Variants in ANK3 observed in about 807,000 individuals in gnomAD.
ANK3 encodes ankyrin-3.
In ANK3, 57 loss-of-function variants were observed where a neutral mutation model predicts 370.9. The observed-to-expected ratio is 0.15, with a 90% CI of 0.12 to 0.19. The LOEUF is 0.19. Among genes scored for constraint, ANK3 ranks in the 10% least tolerant of loss-of-function variants. The probability of loss-of-function intolerance (pLI) is 1.00; values close to 1 mark genes in which losing one functional copy is unlikely to be tolerated. For missense variants in ANK3, 4,439 were observed against 5,302.1 expected, an observed-to-expected ratio of 0.84 and a Z score of 5.06; for synonymous variants, 1,929 against 1,946.3, an observed-to-expected ratio of 0.99 and a Z score of 0.23.
intron 2 of ANK3, among the ~76,000 whole-genome samples, chr10:60,411,562 A>G (rs756621448): frequency 2.0e-5 from 3 of 152,152 alleles, no homozygotes; most frequent in Non-Finnish European, 4.4e-5. Flanking sequence ...ACTGGCAGAG[A>G]GCCTAACTCC....
At chr10:60,406,032 A>G (rs2063448998) in intron 2 of ANK3, among the ~76,000 whole-genome samples, 2 of 152,216 alleles carry the variant, frequency 1.3e-5, no homozygotes, top group Non-Finnish European at 1.5e-5. Flanking sequence ...CAGCAACATT[A>G]TCTCTGTTTT....
chr10:60,030,332 C>CG (rs1340519403), intron 43 of ANK3, among the ~76,000 whole-genome samples: 1 of 151,806 alleles, frequency 6.6e-6, no homozygotes, highest in Non-Finnish European at 1.5e-5. Context: ...TTAGTAGAGA[C>CG]GGGGTTTCAC....
chr10:60,278,086 C>T (rs1366255911), intron 4 of ANK3, among the ~76,000 whole-genome samples: 5 of 152,154 alleles, frequency 3.3e-5, no homozygotes, highest in African/African-American at 1.2e-4. Flanking sequence ...TGGTGTTCCT[C>T]TTAGAAATTC....
At chr10:60,689,629 G>T (rs1015313415) in intron 1 of ANK3, among the ~76,000 whole-genome samples, 2 of 151,810 alleles carry the variant, frequency 1.3e-5, no homozygotes, top group African/African-American at 2.4e-5. Context: ...TCGAGTGCCT[G>T]TAATCCCAGC....
chr10:60,484,399 G>T (rs1334574083), intron 2 of ANK3, among the ~76,000 whole-genome samples: 2 of 152,086 alleles, frequency 1.3e-5, no homozygotes, highest in African/African-American at 4.8e-5. Context: ...GATATCAAAG[G>T]ATTATTTTTT....
chr10:60,119,760 A>G (rs895390914), intron 25 of ANK3, among the ~76,000 whole-genome samples: 5 of 152,194 alleles, frequency 3.3e-5, no homozygotes, highest in African/African-American at 1.2e-4. Flanking sequence ...CGAAAGAGCA[A>G]GACTTCATCT....
At chr10:60,086,965 G>GAAA in intron 29 of ANK3, 81 bp from the exon 30 acceptor site, 1 of 505,594 alleles carries the variant, frequency 2.0e-6, no homozygotes, top group Non-Finnish European at 2.5e-6. Flanking sequence ...TTTTAAGTGA[G>GAAA]AAGGAAAAAA....
chr10:60,100,143 GTTTCC>G (rs1022118166), intron 28 of ANK3, among the ~76,000 whole-genome samples: 1 of 148,048 alleles, frequency 6.8e-6, no homozygotes, highest in Non-Finnish European at 1.5e-5. Context: ...TTCTGCTACA[GTTTCC>G]TTTCCTTTCC....
Position 60,200,238 on chromosome 10 carries a change from T to C in ANK3, c.1393-11A>G. The C allele has an allele frequency of 6.2e-7, 1 of 1,607,662 alleles. No individual in the cohort carries two copies. The highest frequency in any genetic ancestry group is 8.5e-7 in the Non-Finnish European group (1 of 1,174,108). On this transcript the variant is annotated splice_polypyrimidine_tract_variant and intron_variant, in intron 12 of 43. Transcript: ENST00000280772. ...TGCTGTTTCTCCTCTCTGGGGAACA[T>C]GAGCCAAAGTAAATTAGCTGCAGCT...
chr10:60,621,838 G>A (rs1255662249), intron 1 of ANK3, among the ~76,000 whole-genome samples: 5 of 152,090 alleles, frequency 3.3e-5, no homozygotes, highest in Admixed American at 6.6e-5. Context: ...TGATAATATA[G>A]TGGCAACTCA....
rs1295319451 is a variant in ANK3, at chr10:60,518,285, A to T, written c.96+96901T>A. On this transcript the variant is annotated intron_variant, in intron 2 of 43. Coordinates refer to the ANK3 transcript ENST00000373827. ...CAGCAAATGTCAAAAGAGAAAAAAT[A>T]GCAAGCTCCTACTTCCCGGCAGATG... Among the ~76,000 whole-genome samples the T allele has an allele frequency of 3.9e-5, 6 of 152,136 alleles. No individual in the cohort carries two copies. The East Asian group carries it at 1.2e-3, about 29-fold the overall frequency.
Position 60,173,110 on chromosome 10 carries a change from G to A in ANK3, c.2261C>T (p.Ala754Val), listed in dbSNP as rs190581397. 1.7e-5 allele frequency: 28 copies of A among 1,614,050 alleles called. No homozygotes were observed. In the East Asian group the frequency reaches 5.3e-4, roughly 31 times the overall value. The stretch of plus-strand genomic sequence containing the variant: ...TACCTTTGTTTTGGCATTAACTTTT[G>A]CAGAATGCTGGAGCAGGAAATTAAC... ...KIVNFLLQHS[A>V]KVNAKTKNGY... Residue 754 changes from alanine to valine, a missense_variant, in exon 19 of 44, where the codon GCA becomes GTA. Ala to Val is a moderately conservative substitution (Grantham distance 64). Transcript: ENST00000280772.
At chr10:60,054,908 G>A (rs190123989) in intron 42 of ANK3, among the ~76,000 whole-genome samples, 22 of 152,054 alleles carry the variant, frequency 1.4e-4, no homozygotes, top group African/African-American at 4.1e-4. Flanking sequence ...TTATATCCAC[G>A]TATGAGTCAT....
chr10:60,091,877 T>C (rs1038664479), intron 28 of ANK3, among the ~76,000 whole-genome samples: 4 of 151,818 alleles, frequency 2.6e-5, no homozygotes, highest in Non-Finnish European at 5.9e-5. Flanking sequence ...ACTACAGGCA[T>C]GCGCCACCAT....
chr10:60,414,967 C>T (rs944542454), intron 2 of ANK3, among the ~76,000 whole-genome samples: 10 of 152,304 alleles, frequency 6.6e-5, no homozygotes, highest in Non-Finnish European at 1.0e-4. Context: ...AGAACAGAGT[C>T]GAGGAATTTC....
intron 7 of ANK3, among the ~76,000 whole-genome samples, chr10:60,252,532 G>A (rs868033373): frequency 4.1e-4 from 62 of 151,780 alleles, no homozygotes; most frequent in Non-Finnish European, 1.9e-4. Context: ...GATTTTTTTC[G>A]GGTCATTTAA....
chr10:60,586,310 T>A (rs1392977181), intron 2 of ANK3, among the ~76,000 whole-genome samples: 1 of 152,178 alleles, frequency 6.6e-6, no homozygotes, highest in East Asian at 1.9e-4. Flanking sequence ...TTGAGTCTAA[T>A]CGAGAAATTT....
At chr10:60,186,677 G>A (rs1565542785) in intron 17 of ANK3, 38 bp downstream of exon 17, 1 of 1,598,386 alleles carries the variant, frequency 6.3e-7, no homozygotes. Flanking sequence ...GTGAGGTTTT[G>A]GTGTGCTGCA....
intron 2 of ANK3, among the ~76,000 whole-genome samples, chr10:60,502,860 G>C (rs1212307549): frequency 7.0e-6 from 1 of 143,202 alleles, no homozygotes; most frequent in African/African-American, 2.6e-5. Context: ...GGAAGGAAAA[G>C]AAAAAGGAAA....
Sources: allele counts gnomAD v4.1 joint callset (sites outside exome capture counted in the v4.1 genomes callset), GRCh38; gene constraint gnomAD v4.1.1; transcripts MANE v1.5; gene names NCBI Gene and HGNC (gene_info 2026-07-23, HGNC 2026-07-21).